Variants in ARSL observed in about 807,000 individuals in gnomAD.
ARSL encodes arylsulfatase E (chondrodysplasia punctata 1).
ARSL carries 4 observed loss-of-function variants against 31.1 expected under a neutral mutation model. The observed-to-expected ratio is 0.13, with a 90% CI of 0.06 to 0.29. ARSL has a LOEUF of 0.29. Among genes scored for constraint, ARSL ranks in the 10% least tolerant of loss-of-function variants. ARSL has a pLI of 1.00. For missense variants in ARSL, 312 were observed against 497.8 expected, an observed-to-expected ratio of 0.63 and a Z score of 3.55; for synonymous variants, 198 against 209.9, an observed-to-expected ratio of 0.94 and a Z score of 0.49.
At chrX:2,965,164 T>TA (rs1020334015), upstream of ARSL, among the ~76,000 whole-genome samples, 1 of 110,974 alleles carries the variant, frequency 9.0e-6, no homozygotes, top group Admixed American at 9.7e-5. Context: ...AAGATAAAAA[T>TA]AAAAAAGAAA....
At position 2,946,210 on chromosome X, in the gene ARSL, G is replaced by A. The variant is rs767111629; in HGVS notation, c.855-76C>T. On this transcript the variant is annotated intron_variant, in intron 6 of 10. Coordinates refer to ENST00000381134, the MANE Select transcript of ARSL (RefSeq NM_000047.3). ...TTGAAGTCCTGTAGATACTAAATAC[G>A]GATCTCACTTGTCACATCATTACTC... 136 of 996,628 alleles carry A rather than the reference G, an allele frequency of 1.4e-4. 1 individual carries two copies. The highest frequency in any genetic ancestry group is 1.0e-3 in the Middle Eastern group (3 of 2,899). The allele number at this position is 996,628 out of a possible 1,213,427, so 82.1% of individuals were successfully genotyped here.
chrX:2,960,285 A>C, intron 2 of ARSL, 93 bp downstream of exon 2: 1 of 458,919 alleles, frequency 2.2e-6, no homozygotes, highest in South Asian at 4.8e-5. Context: ...AAAAAAAAAA[A>C]AAAAAAAAAG....
At chrX:2,937,982 T>G in intron 9 of ARSL, 113 bp downstream of exon 9, 4 of 1,072,700 alleles carry the variant, frequency 3.7e-6, no homozygotes, top group Non-Finnish European at 5.2e-6. Flanking sequence ...CTCGGTTTGG[T>G]CGGGGAACAA....
At position 2,955,528 on chromosome X, in the gene ARSL, A is replaced by G. The variant is rs139135001; in HGVS notation, c.195T>C (p.Asn65=). The G allele has an allele frequency of 7.4e-6, 9 of 1,209,364 alleles. No homozygotes were observed. In the African/African-American group the frequency reaches 1.6e-4, roughly 21 times the overall value. ...CGCCGTCCTCTGCAAGGCGGTCAAT[A>G]TTCGGAGTCCTATGGAGGGACAAAT... ...CYGNNTMRTP[N]IDRLAEDGVK... Residue 65 remains asparagine, a synonymous_variant, in exon 4 of 11, where the codon AAT becomes AAC. Coordinates refer to ENST00000381134, the MANE Select transcript of ARSL (RefSeq NM_000047.3).
At chrX:2,965,236 C>T (rs2089687877), upstream of ARSL, among the ~76,000 whole-genome samples, 1 of 111,993 alleles carries the variant, frequency 8.9e-6, no homozygotes, top group Admixed American at 9.5e-5. Flanking sequence ...CGCAGTGGCT[C>T]ATGCCTGTAA....
chrX:2,962,623 C>T (rs1325251414), intron 1 of ARSL, among the ~76,000 whole-genome samples: 1 of 111,721 alleles, frequency 9.0e-6, no homozygotes, highest in Non-Finnish European at 1.9e-5. Flanking sequence ...GAGGGATTTC[C>T]CCTCAACGCC....
upstream of ARSL, chrX:2,964,410 A>G (rs1164166856): frequency 2.7e-6 from 2 of 748,988 alleles, no homozygotes; most frequent in Non-Finnish European, 3.2e-6. Flanking sequence ...CTCCCCCCAC[A>G]TCGCAGCATG....
intron 4 of ARSL, 125 bp downstream of exon 4, chrX:2,955,291 C>A: frequency 1.1e-6 from 1 of 892,378 alleles, no homozygotes; most frequent in Non-Finnish European, 1.6e-6. Flanking sequence ...CCAGCATGGG[C>A]AAGATAGAGA....
In ARSL at chrX:2,949,711, A is replaced by T; in HGVS notation, c.447T>A (p.Gly149=). 1 of 1,211,071 alleles carries T rather than the reference A, an allele frequency of 8.3e-7. No homozygotes were observed. Among genetic ancestry groups the T allele is most frequent in the Non-Finnish European group, 1.1e-6 (1 of 895,212 alleles). Residue 149 remains glycine, a synonymous_variant, in exon 6 of 11, where the codon GGT becomes GGA. Transcript: ENST00000381134. ...GATCACTGGCTGACTCACAGTTGAG[A>T]CCCAGATGCCATTTTCCTGAGAGGC... ...ATGLIGKWHL[G]LNCESASDHC...
At chrX:2,941,247 CTTTTTTTTTTTT>C (rs200569564) in intron 8 of ARSL, among the ~76,000 whole-genome samples, 6 of 80,580 alleles carry the variant, frequency 7.4e-5, no homozygotes, top group African/African-American at 1.1e-4. Flanking sequence ...TGTCCACAAT[CTTTTTTTTTTTT>C]TTTTTTTTTT....
At chrX:2,952,374 C>T (rs1276597126) in intron 5 of ARSL, among the ~76,000 whole-genome samples, 1 of 111,107 alleles carries the variant, frequency 9.0e-6, no homozygotes, top group Non-Finnish European at 1.9e-5. Context: ...GCCATGCTGC[C>T]CAGGCTGGTC....
Position 2,936,988 on chromosome X carries a change from G to C in ARSL, c.1290-125C>G, listed in dbSNP as rs1038342886. 31 of 969,281 alleles carry C rather than the reference G, an allele frequency of 3.2e-5. No homozygotes were observed. In the Admixed American group the frequency reaches 4.6e-4, roughly 14 times the overall value. The allele number at this position is 969,281 out of a possible 1,213,427, so 79.9% of individuals were successfully genotyped here. ...CTTATGTTGTATCAGTGGAGGGAAA[G>C]TCTGGGTGTGAACGCAGATGGATGG... On this transcript the variant is annotated intron_variant, in intron 9 of 10. Coordinates refer to ENST00000381134, the MANE Select transcript of ARSL (RefSeq NM_000047.3).
At chrX:2,954,104 G>C (rs769260444) in intron 4 of ARSL, among the ~76,000 whole-genome samples, 1 of 111,340 alleles carries the variant, frequency 9.0e-6, no homozygotes, top group South Asian at 3.9e-4. Flanking sequence ...ATCGTGTGGG[G>C]AGCTTCAAAA....
chrX:2,957,280 C>G (rs2089538718), intron 3 of ARSL, among the ~76,000 whole-genome samples: 1 of 109,346 alleles, frequency 9.1e-6, no homozygotes, highest in Admixed American at 9.7e-5. Flanking sequence ...GTTTCCCAGG[C>G]TGGTCTTGAA....
At chrX:2,953,386 A>G in intron 4 of ARSL, 121 bp from the exon 5 acceptor site, 2 of 854,814 alleles carry the variant, frequency 2.3e-6, no homozygotes, top group Admixed American at 5.9e-5. Flanking sequence ...ATTAAATTGA[A>G]AATGGACTTC....
At chrX:2,962,746 A>G (rs1329066169) in intron 1 of ARSL, among the ~76,000 whole-genome samples, 1 of 111,966 alleles carries the variant, frequency 8.9e-6, no homozygotes, top group Non-Finnish European at 1.9e-5. Flanking sequence ...AAGGCCCGCA[A>G]GTCAATAAGC....
intron 6 of ARSL, among the ~76,000 whole-genome samples, chrX:2,946,717 G>A (rs754779366): frequency 2.9e-5 from 3 of 103,930 alleles, no homozygotes; most frequent in Middle Eastern, 5.5e-3. Context: ...TCGCCCAGGC[G>A]GGGGTGCAGT....
chrX:2,944,475 A>C lies in ARSL; in HGVS notation c.992-1276T>G, dbSNP rs4892828. Among the ~76,000 whole-genome samples, 15 of 31,896 alleles carry C rather than the reference A, an allele frequency of 4.7e-4. No homozygotes were observed. The South Asian group carries it at 0.025, about 53-fold the overall frequency. The allele number at this position is 31,896 out of a possible 115,157, so 27.7% of individuals were successfully genotyped here. A position where few individuals can be genotyped will look rare whatever the true frequency, so the allele number is the denominator to read the frequency against. ...TCTCAAAAAAAAAACAAAAAAAACA[A>C]AAAAAAAAAAACAAAACAAAAAGTG... On this transcript the variant is annotated intron_variant, in intron 7 of 10. Coordinates refer to ENST00000381134, the MANE Select transcript of ARSL (RefSeq NM_000047.3).
rs145741758 is a variant in ARSL at position 2,958,008 on chromosome X, C to T, written c.185+266G>A. ...GTGCAGTCCAGCCTGGACCACAGAG[C>T]AAGACTTTGTCTCAGAGAAAAATAA... On this transcript the variant is annotated intron_variant, in intron 3 of 10. Coordinates refer to ENST00000381134, the MANE Select transcript of ARSL (RefSeq NM_000047.3). Among the ~76,000 whole-genome samples, 571 of 110,266 alleles carry T rather than the reference C, an allele frequency of 5.2e-3. 5 individuals carry two copies. The highest frequency in any genetic ancestry group is 0.018 in the African/African-American group (550 of 30,297).
Sources: gnomAD v4.1 joint callset for allele counts (sites outside exome capture counted in the v4.1 genomes callset) on GRCh38, gnomAD v4.1.1 for gene constraint, MANE v1.5 for transcripts, NCBI Gene and HGNC (gene_info 2026-07-23, HGNC 2026-07-21) for gene names.